SSH2: variants seen among roughly 807,000 people sequenced by gnomAD.
SSH2 encodes slingshot protein phosphatase 2.
A neutral mutation model predicts 135.2 loss-of-function variants in SSH2; 37 were observed. The ratio of observed to expected loss-of-function variants is 0.27; its 90% CI spans 0.21 to 0.36. The LOEUF is 0.36. Ranked by LOEUF, SSH2 falls within the 10% of genes least tolerant of loss-of-function variation. SSH2 has a pLI of 1.00. For synonymous variants in SSH2, 628 were observed against 646.2 expected (o/e 0.97, Z 0.43); for missense variants, 1,408 against 1,765.3 (o/e 0.80, Z 3.63).
At chr17:29,909,674 TAA>T (rs2066729419) in intron 1 of SSH2, among the ~76,000 whole-genome samples, 1 of 152,136 alleles carries the variant, frequency 6.6e-6, no homozygotes, top group African/African-American at 2.4e-5. Flanking sequence ...TTCCCAAATA[TAA>T]GAGTTAAATT....
Position 29,847,170 on chromosome 17 carries a change from G to C in SSH2, c.144+1679C>G, listed in dbSNP as rs571790979. 3.9e-5 allele frequency among the ~76,000 whole-genome samples: 6 copies of C among 152,086 alleles called. No homozygotes were observed. In the East Asian group the frequency reaches 1.2e-3, roughly 29 times the overall value. On this transcript the variant is annotated intron_variant, in intron 2 of 15. Coordinates refer to ENST00000540801, the MANE Select transcript of SSH2 (RefSeq NM_001282129.2). Reference sequence around the variant, plus strand: ...AATAGGGGGGAAAAATTCCAAGAGCGGCCCAGTCTCCTATGGGTATAACAG... The same window carrying C: ...AATAGGGGGGAAAAATTCCAAGAGCCGCCCAGTCTCCTATGGGTATAACAG...
chr17:29,893,923 T>G (rs1369340125), intron 1 of SSH2, among the ~76,000 whole-genome samples: 1 of 152,114 alleles, frequency 6.6e-6, no homozygotes, highest in East Asian at 1.9e-4. Flanking sequence ...GATGTTCTTT[T>G]TCAGTCTTAT....
intron 3 of SSH2, among the ~76,000 whole-genome samples, chr17:29,755,815 C>T (rs1374345129): frequency 6.6e-6 from 1 of 151,108 alleles, no homozygotes; most frequent in Non-Finnish European, 1.5e-5. Context: ...GCACCCGCCA[C>T]CGCACCCGGC....
At chr17:29,803,413 C>T (rs1467114339) in intron 2 of SSH2, among the ~76,000 whole-genome samples, 1 of 152,088 alleles carries the variant, frequency 6.6e-6, no homozygotes, top group Non-Finnish European at 1.5e-5. Context: ...ACTGGAGTGC[C>T]TAAACATGAT....
chr17:29,887,156 C>T (rs2066254113), intron 1 of SSH2, among the ~76,000 whole-genome samples: 1 of 151,950 alleles, frequency 6.6e-6, no homozygotes, highest in Non-Finnish European at 1.5e-5. Context: ...TAATTATATG[C>T]CTATAGAGGA....
intron 3 of SSH2, among the ~76,000 whole-genome samples, chr17:29,713,302 T>G (rs1042051612): frequency 6.6e-6 from 1 of 152,138 alleles, no homozygotes; most frequent in African/African-American, 2.4e-5. Context: ...GCCACTGCAC[T>G]CCAGCCTGGG....
chr17:29,713,327 A>C (rs2039507831), intron 3 of SSH2, among the ~76,000 whole-genome samples: 1 of 152,030 alleles, frequency 6.6e-6, no homozygotes, highest in Admixed American at 6.6e-5. Flanking sequence ...AGAGCGAGAC[A>C]GTGTCTCAAA....
At chr17:29,672,444 G>A (rs1198031387) in intron 8 of SSH2, among the ~76,000 whole-genome samples, 1 of 152,164 alleles carries the variant, frequency 6.6e-6, no homozygotes, top group Non-Finnish European at 1.5e-5. Flanking sequence ...GGACCATGCA[G>A]TGACTGCCGT....
At chr17:29,711,820 C>T (rs535956147) in intron 3 of SSH2, among the ~76,000 whole-genome samples, 6 of 152,242 alleles carry the variant, frequency 3.9e-5, no homozygotes, top group South Asian at 2.1e-4. Context: ...TGGGGAGTGT[C>T]GAGGTATGGG....
chr17:29,851,367 G>A (rs2065555745), intron 1 of SSH2, among the ~76,000 whole-genome samples: 1 of 151,912 alleles, frequency 6.6e-6, no homozygotes, highest in South Asian at 2.1e-4. Flanking sequence ...GAGGCGGGTG[G>A]ATCACCTGAG....
At chr17:29,758,045 TCAAAACAAAA>T (rs377669909) in intron 3 of SSH2, among the ~76,000 whole-genome samples, 5 of 151,706 alleles carry the variant, frequency 3.3e-5, no homozygotes, top group African/African-American at 1.2e-4. Context: ...AGGGCCTGTC[TCAAAACAAAA>T]CAAAACAAAA....
At chr17:29,633,380 TAA>T (rs2035770852) in intron 15 of SSH2, among the ~76,000 whole-genome samples, 2 of 152,216 alleles carry the variant, frequency 1.3e-5, no homozygotes, top group African/African-American at 4.8e-5. Context: ...ATTTAAGGGC[TAA>T]GATATGTCCT....
intron 3 of SSH2, among the ~76,000 whole-genome samples, chr17:29,743,974 G>A (rs1198911820): frequency 2.1e-5 from 3 of 142,942 alleles, no homozygotes; most frequent in Non-Finnish European, 4.5e-5. Context: ...AGCCTGAGTC[G>A]GAAGCCACTG....
At chr17:29,702,352 CAA>C (rs71138842) in intron 4 of SSH2, among the ~76,000 whole-genome samples, 80 of 141,022 alleles carry the variant, frequency 5.7e-4, no homozygotes, top group Middle Eastern at 3.6e-3. Context: ...GAGTCTGTCT[CAA>C]AAAAAAAAAA....
rs200477244 is a variant in SSH2 at position 29,804,668 on chromosome 17, TTTG to T, written c.145-10734_145-10732del. Among the ~76,000 whole-genome samples, 223 of 152,216 alleles carry T rather than the reference TTTG, an allele frequency of 1.5e-3. 1 individual carries two copies. The highest frequency in any genetic ancestry group is 0.011 in the Admixed American group (174 of 15,274). The stretch of plus-strand genomic sequence containing the variant: ...CATTGGTTTTAGAAAGCAACAAGTC[TTTG>T]TTGTTGTTGTTGTTTTTTGAGCCAG... On this transcript the variant is annotated intron_variant, in intron 2 of 15. Transcript: ENST00000540801.
intron 3 of SSH2, among the ~76,000 whole-genome samples, chr17:29,744,780 C>T (rs555355033): frequency 3.9e-5 from 6 of 151,900 alleles, no homozygotes; most frequent in South Asian, 2.1e-4. Context: ...CTGCCTACGA[C>T]GTGATGCTGA....
At chr17:29,923,006 G>A (rs1474469082) in intron 1 of SSH2, among the ~76,000 whole-genome samples, 3 of 152,158 alleles carry the variant, frequency 2.0e-5, no homozygotes, top group Non-Finnish European at 2.9e-5. Flanking sequence ...TGCCTCCTGG[G>A]TTCAAGCAAT....
At chr17:29,697,506 T>A (rs534725469) in intron 4 of SSH2, among the ~76,000 whole-genome samples, 2 of 152,168 alleles carry the variant, frequency 1.3e-5, no homozygotes, top group African/African-American at 2.4e-5. Flanking sequence ...TTCTTCTCCC[T>A]CTTTCCTTCT....
chr17:29,859,002 A>G (rs2092471587), intron 1 of SSH2, among the ~76,000 whole-genome samples: 1 of 152,262 alleles, frequency 6.6e-6, no homozygotes, highest in Non-Finnish European at 1.5e-5. Flanking sequence ...CTCAGAAGAA[A>G]TCAACACATT....
Sources: gnomAD v4.1 joint callset for allele counts (sites outside exome capture counted in the v4.1 genomes callset) on GRCh38, gnomAD v4.1.1 for gene constraint, MANE v1.5 for transcripts, NCBI Gene and HGNC (gene_info 2026-07-23, HGNC 2026-07-21) for gene names.